Variants in RAB21 observed in about 807,000 individuals in gnomAD.
The protein encoded by RAB21 is ras-related protein Rab-21.
RAB21 carries 13 observed loss-of-function variants against 33.1 expected under a neutral mutation model. The observed-to-expected ratio is 0.39, with a 90% CI of 0.26 to 0.62. RAB21 has a LOEUF of 0.62. Ranked by LOEUF, RAB21 falls within the 20% of genes least tolerant of loss-of-function variation. The probability of loss-of-function intolerance (pLI) is 0.48; values close to 1 mark genes in which losing one functional copy is unlikely to be tolerated. For missense variants in RAB21, 234 were observed against 279.1 expected, an observed-to-expected ratio of 0.84 and a Z score of 1.15; for synonymous variants, 91 against 103.7, an observed-to-expected ratio of 0.88 and a Z score of 0.74.
chr12:71,782,724 TG>T, intron 6 of RAB21, 66 bp downstream of exon 6: 3 of 1,061,380 alleles, frequency 2.8e-6, no homozygotes, highest in Non-Finnish European at 4.1e-6. Flanking sequence ...AAAAATAGTA[TG>T]TATTTTACAC....
intron 3 of RAB21, among the ~76,000 whole-genome samples, chr12:71,772,849 A>T (rs1883063819): frequency 6.6e-6 from 1 of 152,216 alleles, no homozygotes. Flanking sequence ...TATAAAGATA[A>T]TGTGGTGATG....
At chr12:71,769,976 AAT>A in intron 2 of RAB21, 117 bp downstream of exon 2, 1 of 456,660 alleles carries the variant, frequency 2.2e-6, no homozygotes, top group Non-Finnish European at 3.7e-6. Flanking sequence ...AGAATCTTAA[AAT>A]CTGGTTGAGA....
intron 1 of RAB21, among the ~76,000 whole-genome samples, chr12:71,765,677 C>T (rs531684900): frequency 3.9e-5 from 6 of 152,142 alleles, no homozygotes; most frequent in African/African-American, 1.2e-4. Flanking sequence ...TGTGGCTTGC[C>T]AGTTTTCCTA....
At chr12:71,755,345 G>A (rs1882768732) in intron 1 of RAB21, 57 bp downstream of exon 1, 17 of 1,427,368 alleles carry the variant, frequency 1.2e-5, no homozygotes, top group Non-Finnish European at 1.6e-5. Flanking sequence ...CTCCGGGGCT[G>A]GGGAAACTTT....
chr12:71,784,116 T>TA lies in RAB21; in HGVS notation c.536-1414dup, dbSNP rs775367388. Among the ~76,000 whole-genome samples the TA allele has an allele frequency of 6.6e-5, 10 of 152,336 alleles. No individual in the cohort carries two copies. In the East Asian group the frequency reaches 1.9e-3, roughly 29 times the overall value. On this transcript the variant is annotated intron_variant, in intron 6 of 6. Coordinates refer to ENST00000261263, the MANE Select transcript of RAB21 (RefSeq NM_014999.4). The stretch of plus-strand genomic sequence containing the variant: ...TTTCCTCTTGTTGGATTGTCCCACA[T>TA]ACCTCAAATTGTAAACCATTAATCA...
intron 3 of RAB21, among the ~76,000 whole-genome samples, chr12:71,773,679 T>A (rs1883076510): frequency 6.6e-6 from 1 of 152,224 alleles, no homozygotes; most frequent in Admixed American, 6.5e-5. Flanking sequence ...GTTGATATGC[T>A]TTTGCTCTAG....
rs116498227 is a variant in RAB21, at chr12:71,772,639, G to A, written c.328-1320G>A. Among the ~76,000 whole-genome samples the A allele has an allele frequency of 3.0e-3, 452 of 152,240 alleles. 2 individuals are homozygous for A. The highest frequency in any genetic ancestry group is 0.01 in the African/African-American group (420 of 41,536). ...ATATGCACATGGAAGAGAGGGATAC[G>A]TAATTGGATTCTGCTGTGTTTCTTT... On this transcript the variant is annotated intron_variant, in intron 3 of 6. Coordinates refer to ENST00000261263, the MANE Select transcript of RAB21 (RefSeq NM_014999.4).
intron 4 of RAB21, among the ~76,000 whole-genome samples, chr12:71,779,039 T>C (rs1342898854): frequency 6.6e-6 from 1 of 152,242 alleles, no homozygotes; most frequent in Admixed American, 6.5e-5. Context: ...TAATAACTGT[T>C]CCTTATTGAG....
intron 1 of RAB21, among the ~76,000 whole-genome samples, chr12:71,768,571 C>A (rs1882994304): frequency 6.6e-6 from 1 of 151,794 alleles, no homozygotes; most frequent in Non-Finnish European, 1.5e-5. Context: ...TTATATTTTT[C>A]TCCAATTTTG....
chr12:71,761,102 G>A (rs1882866594), intron 1 of RAB21, among the ~76,000 whole-genome samples: 1 of 152,098 alleles, frequency 6.6e-6, no homozygotes, highest in African/African-American at 2.4e-5. Flanking sequence ...GGGTACTCAG[G>A]AGGCTGAGGC....
rs1253368736 is a variant in RAB21 at position 71,800,173 on chromosome 12, AAATTTCCTTACACTTTCTTGT to A, written c.*14504_*14524del. On this transcript the variant is annotated 3_prime_UTR_variant, in exon 7 of 7. Coordinates refer to ENST00000261263, the MANE Select transcript of RAB21 (RefSeq NM_014999.4). ...TAATTAACACATCCATCATTCCACA[AAATTTCCTTACACTTTCTTGT>A]AATCCCTTCTCCCTCCCATTCCTGC... 1 of 152,134 alleles carries A rather than the reference AAATTTCCTTACACTTTCTTGT, an allele frequency of 6.6e-6. No individual in the cohort carries two copies. Among genetic ancestry groups the A allele is most frequent in the Non-Finnish European group, 1.5e-5 (1 of 68,034 alleles). 9.4% of individuals were successfully genotyped at this position (152,134 alleles called of 1,614,324 possible). A position where few individuals can be genotyped will look rare whatever the true frequency, so the allele number is the denominator to read the frequency against.
Position 71,785,505 on chromosome 12 carries a change from T to G in RAB21, c.536-26T>G, listed in dbSNP as rs756717460. The G allele has an allele frequency of 5.3e-5, 85 of 1,611,046 alleles. No homozygotes were observed. The South Asian group carries it at 8.8e-4, about 17-fold the overall frequency. On this transcript the variant is annotated intron_variant, in intron 6 of 6. Transcript: ENST00000261263. Reference sequence around the variant, plus strand: ...GAAAACACAAATATTGTGGTCCTAATAATGTTTGCTTTCTCTCTGTCTTAG... The same window carrying G: ...GAAAACACAAATATTGTGGTCCTAAGAATGTTTGCTTTCTCTCTGTCTTAG...
intron 4 of RAB21, 25 bp from the exon 5 acceptor site, chr12:71,782,006 T>G: frequency 6.6e-7 from 1 of 1,523,298 alleles, no homozygotes; most frequent in Non-Finnish European, 9.1e-7. Flanking sequence ...AGTATAAAGA[T>G]AAATATTTAC....
rs200166770 is a variant in RAB21, at chr12:71,789,411, T to TA, written c.*3739dup. The TA allele has an allele frequency of 1.1e-4, 16 of 152,282 alleles. No homozygotes were observed. The East Asian group carries it at 3.1e-3, about 29-fold the overall frequency. 9.4% of individuals were successfully genotyped at this position (152,282 alleles called of 1,614,324 possible). ...ATAGTTTACTCTTATAATTACCCGT[T>TA]ACGTTATCTCTAAAAGTAGTTTGAT... On this transcript the variant is annotated 3_prime_UTR_variant, in exon 7 of 7. Coordinates refer to ENST00000261263, the MANE Select transcript of RAB21 (RefSeq NM_014999.4).
Position 71,795,424 on chromosome 12 carries a change from A to G in RAB21, c.*9751A>G, listed in dbSNP as rs1344696927. 2 of 139,944 alleles carry G rather than the reference A, an allele frequency of 1.4e-5. No homozygotes were observed. The highest frequency in any genetic ancestry group is 5.7e-5 in the African/African-American group (2 of 35,262). 8.7% of individuals were successfully genotyped at this position (139,944 alleles called of 1,614,324 possible). ...TAGCGTAATAATGCCTTCTACTGAC[A>G]TTTAAAGTCAGCTTAAACATCATTA... On this transcript the variant is annotated 3_prime_UTR_variant, in exon 7 of 7. Transcript: ENST00000261263.
chr12:71,759,558 G>C (rs1042821638), intron 1 of RAB21, among the ~76,000 whole-genome samples: 4 of 152,212 alleles, frequency 2.6e-5, no homozygotes, highest in Admixed American at 1.3e-4. Context: ...AGTTGTTAAT[G>C]GAGTGCTATA....
intron 6 of RAB21, among the ~76,000 whole-genome samples, chr12:71,783,291 T>C (rs1473388545): frequency 6.6e-6 from 1 of 151,954 alleles, no homozygotes; most frequent in Non-Finnish European, 1.5e-5. Context: ...TATTAAAAAG[T>C]TTATAGTTTT....
At chr12:71,767,656 G>GT (rs1437514675) in intron 1 of RAB21, among the ~76,000 whole-genome samples, 1 of 152,040 alleles carries the variant, frequency 6.6e-6, no homozygotes, top group Non-Finnish European at 1.5e-5. Flanking sequence ...GACAAGGCTT[G>GT]GTAGATTTTG....
At chr12:71,774,587 C>T (rs1229741098) in intron 4 of RAB21, among the ~76,000 whole-genome samples, 2 of 151,496 alleles carry the variant, frequency 1.3e-5, no homozygotes, top group African/African-American at 2.4e-5. Context: ...AGTGAAACCC[C>T]GCTCTAATAA....
Sources: gnomAD v4.1 joint callset for allele counts (sites outside exome capture counted in the v4.1 genomes callset) on GRCh38, gnomAD v4.1.1 for gene constraint, MANE v1.5 for transcripts, NCBI Gene and HGNC (gene_info 2026-07-23, HGNC 2026-07-21) for gene names.